The following SEMA3C variants were observed in gnomAD, a reference collection of about 807,000 sequenced individuals.
SEMA3C encodes semaphorin 3C.
Under a neutral mutation model 89.4 loss-of-function variants are expected in SEMA3C, and 47 were observed. The observed-to-expected ratio is 0.53, with a 90% CI of 0.42 to 0.67. SEMA3C has a LOEUF of 0.67. Among genes scored for constraint, SEMA3C ranks in the 30% least tolerant of loss-of-function variants. The pLI is 0.00. For missense variants in SEMA3C, 839 were observed against 929.1 expected (o/e 0.90, Z 1.26); for synonymous variants, 310 against 320.2 (o/e 0.97, Z 0.34).
chr7:80,833,771 A>G (rs35230654), intron 2 of SEMA3C, among the ~76,000 whole-genome samples: 11,457 of 146,932 alleles, frequency 0.078, 516 homozygotes, highest in Middle Eastern at 0.14. Context: ...AGAAACGACC[A>G]TTTTTTTTTT....
intron 2 of SEMA3C, among the ~76,000 whole-genome samples, chr7:80,888,528 A>G (rs946869472): frequency 6.6e-6 from 1 of 152,204 alleles, no homozygotes; most frequent in African/African-American, 2.4e-5. Context: ...TGACGTGAAC[A>G]TTAAGTCCAA....
At position 80,758,425 on chromosome 7, in the gene SEMA3C, A is replaced by G; in HGVS notation, c.1549T>C (p.Tyr517His). ...CAGCAGTCAGCACAGGCTGTACCAT[A>G]GATGTGGCAGCGGTGCAGAGATACC... ...SQVSLHRCHI[Y>H]GTACADCCLA... is the part of the protein sequence containing the mutation. Residue 517 changes from tyrosine (Y) to histidine (H), a missense_variant, in exon 15 of 18, where the codon TAT becomes CAT. By Grantham distance (83) the Tyr-to-His change is moderately conservative. Transcript: ENST00000265361. 1 of 1,614,038 alleles carries G rather than the reference A, an allele frequency of 6.2e-7. No homozygotes were observed. Among genetic ancestry groups the G allele is most frequent in the Non-Finnish European group, 8.5e-7 (1 of 1,179,928 alleles).
chr7:80,798,779 C>T (rs1395394453), intron 10 of SEMA3C, among the ~76,000 whole-genome samples: 1 of 151,806 alleles, frequency 6.6e-6, no homozygotes, highest in Non-Finnish European at 1.5e-5. Flanking sequence ...AAATAGGGGC[C>T]CAAAAAAAAT....
chr7:80,760,993 T>C lies in SEMA3C; in HGVS notation c.1485+623A>G, dbSNP rs951883132. On this transcript the variant is annotated intron_variant, in intron 14 of 17. Transcript: ENST00000265361. ...TTTGCTCATGTATATATTGGAATTGTACTTTTTATTTCAATGATCATTGTA... is the reference window on the plus strand; with the variant it reads ...TTTGCTCATGTATATATTGGAATTGCACTTTTTATTTCAATGATCATTGTA... Among the ~76,000 whole-genome samples, 5 of 152,208 alleles carry C rather than the reference T, an allele frequency of 3.3e-5. No individual in the cohort carries two copies. In the South Asian group the frequency reaches 1.0e-3, roughly 31 times the overall value.
At chr7:80,772,627 A>G (rs560462363) in intron 12 of SEMA3C, among the ~76,000 whole-genome samples, 1 of 152,234 alleles carries the variant, frequency 6.6e-6, no homozygotes, top group South Asian at 2.1e-4. Flanking sequence ...CATCTTCCCA[A>G]GAGTGTTGAT....
At chr7:80,875,396 CAGTA>C (rs1232276234) in intron 2 of SEMA3C, among the ~76,000 whole-genome samples, 2 of 152,042 alleles carry the variant, frequency 1.3e-5, no homozygotes, top group Non-Finnish European at 2.9e-5. Context: ...TCAGTGCACT[CAGTA>C]TATATATTAC....
At chr7:80,916,515 T>A (rs554703048) in intron 2 of SEMA3C, among the ~76,000 whole-genome samples, 164 bp downstream of exon 2, 13 of 152,328 alleles carry the variant, frequency 8.5e-5, no homozygotes, top group South Asian at 2.1e-4. Flanking sequence ...CTTTGTCTAT[T>A]AACCAATCAT....
chr7:80,919,814 C>A (rs2116273969), upstream of SEMA3C, among the ~76,000 whole-genome samples: 1 of 152,120 alleles, frequency 6.6e-6, no homozygotes, highest in Non-Finnish European at 1.5e-5. Context: ...ACCTAATGGT[C>A]CGCCCGCCTC....
At chr7:80,818,634 T>C (rs561172111) in intron 4 of SEMA3C, among the ~76,000 whole-genome samples, 2 of 151,958 alleles carry the variant, frequency 1.3e-5, no homozygotes, top group East Asian at 1.9e-4. Flanking sequence ...ACACTAACAA[T>C]AGCTGATGAG....
chr7:80,810,286 T>C (rs1248282911), intron 6 of SEMA3C, among the ~76,000 whole-genome samples: 1 of 151,922 alleles, frequency 6.6e-6, no homozygotes, highest in East Asian at 1.9e-4. Context: ...TGAGAAAAAG[T>C]GGGTGTAGTT....
intron 4 of SEMA3C, among the ~76,000 whole-genome samples, chr7:80,826,999 G>T (rs1789886470): frequency 6.6e-6 from 1 of 152,052 alleles, no homozygotes; most frequent in Non-Finnish European, 1.5e-5. Context: ...TATCACTGGT[G>T]ATTTGTATTT....
rs200057219 is a variant in SEMA3C, at chr7:80,845,391, T to TAA, written c.104-16648_104-16647dup. Among the ~76,000 whole-genome samples, 700 of 152,032 alleles carry TAA rather than the reference T, an allele frequency of 4.6e-3. 6 individuals carry two copies. Among genetic ancestry groups the TAA allele is most frequent in the African/African-American group, 0.015 (642 of 41,472 alleles). On this transcript the variant is annotated intron_variant, in intron 2 of 17. Coordinates refer to ENST00000265361, the MANE Select transcript of SEMA3C (RefSeq NM_006379.5). ...GGAGGGTATTAAGACTTTTTAAAAA[T>TAA]AAAACCATCTTCAAGGAGAGAGACA...
chr7:80,786,810 A>C (rs966379606), intron 12 of SEMA3C, among the ~76,000 whole-genome samples: 1 of 152,246 alleles, frequency 6.6e-6, no homozygotes, highest in East Asian at 1.9e-4. Context: ...GAAATTATAT[A>C]GCAAAGAGAG....
chr7:80,771,127 C>T (rs1788422847), intron 12 of SEMA3C, among the ~76,000 whole-genome samples: 1 of 152,192 alleles, frequency 6.6e-6, no homozygotes, highest in African/African-American at 2.4e-5. Context: ...ACAAGTAAGA[C>T]ATGGAAATTG....
At chr7:80,898,221 C>G (rs1035166252) in intron 2 of SEMA3C, among the ~76,000 whole-genome samples, 1 of 152,038 alleles carries the variant, frequency 6.6e-6, no homozygotes, top group African/African-American at 2.4e-5. Flanking sequence ...CAAAAATTAG[C>G]CAGGCATGGT....
chr7:80,765,077 T>G, intron 13 of SEMA3C, 78 bp downstream of exon 13: 1 of 908,298 alleles, frequency 1.1e-6, no homozygotes, highest in Non-Finnish European at 1.7e-6. Flanking sequence ...CAAATATAGT[T>G]TCCTCCCAAG....
intron 16 of SEMA3C, among the ~76,000 whole-genome samples, chr7:80,750,469 T>TATAG (rs1787904255): frequency 2.0e-5 from 1 of 50,198 alleles, no homozygotes; most frequent in Non-Finnish European, 3.9e-5. Flanking sequence ...TATATATATA[T>TATAG]ATATACACAC....
rs184150542 is a variant in SEMA3C at position 80,759,050 on chromosome 7, G to A, written c.1486-562C>T. On this transcript the variant is annotated intron_variant, in intron 14 of 17. Coordinates refer to ENST00000265361, the MANE Select transcript of SEMA3C (RefSeq NM_006379.5). ...AAAAATAATTATTTAGAATAATATCGGTATTTATATTTAAACGTCTTAAAA... is the reference window on the plus strand; with the variant it reads ...AAAAATAATTATTTAGAATAATATCAGTATTTATATTTAAACGTCTTAAAA... Among the ~76,000 whole-genome samples, 257 of 152,048 alleles carry A rather than the reference G, an allele frequency of 1.7e-3. 1 individual carries two copies. Among genetic ancestry groups the A allele is most frequent in the Non-Finnish European group, 3.1e-3 (208 of 67,982 alleles).
At chr7:80,811,768 C>G (rs1223984383) in intron 5 of SEMA3C, among the ~76,000 whole-genome samples, 1 of 152,236 alleles carries the variant, frequency 6.6e-6, no homozygotes, top group Admixed American at 6.5e-5. Context: ...GCACTGCATT[C>G]AGGAAAATTG....
Sources: allele counts gnomAD v4.1 joint callset (sites outside exome capture counted in the v4.1 genomes callset), GRCh38; gene constraint gnomAD v4.1.1; transcripts MANE v1.5; gene names NCBI Gene and HGNC (gene_info 2026-07-23, HGNC 2026-07-21).